The following ANKRD22 variants were observed in gnomAD, a reference collection of about 807,000 sequenced individuals.
ANKRD22 encodes ankyrin repeat domain 22.
Under a neutral mutation model 25.7 loss-of-function variants are expected in ANKRD22, and 24 were observed. That is an observed-to-expected ratio of 0.93 (90% CI 0.68 to 1.31). ANKRD22 has a LOEUF of 1.31. ANKRD22 is among the 50% of genes most tolerant of loss of function. The pLI is 0.00. For synonymous variants in ANKRD22, 84 were observed against 84.3 expected (o/e 1.00, Z 0.02); for missense variants, 214 against 227.1 (o/e 0.94, Z 0.37).
intron 2 of ANKRD22, among the ~76,000 whole-genome samples, 158 bp from the exon 3 acceptor site, chr10:88,828,824 A>G (rs1564603189): frequency 6.6e-6 from 1 of 152,150 alleles, no homozygotes; most frequent in Non-Finnish European, 1.5e-5. Flanking sequence ...GCGGCTTTCC[A>G]TGGAGCAGAA....
chr10:88,834,358 C>T (rs918179314), intron 1 of ANKRD22, among the ~76,000 whole-genome samples: 2 of 152,084 alleles, frequency 1.3e-5, no homozygotes, highest in Admixed American at 6.5e-5. Context: ...AGGGGGAAAG[C>T]AGTTCTTTAT....
intron 1 of ANKRD22, among the ~76,000 whole-genome samples, chr10:88,835,051 C>A (rs1165110155): frequency 6.6e-6 from 1 of 152,198 alleles, no homozygotes; most frequent in African/African-American, 2.4e-5. Context: ...ACAGTCCCCA[C>A]CACTCGCCAT....
At position 88,820,355 on chromosome 10, in the gene ANKRD22, A is replaced by G; in HGVS notation, c.*2586T>C. ...GCTGCTCTCTGAGGTGACCAACCTC[A>G]TCTACCATAAGAATATTCCTGAATG... On this transcript the variant is annotated 3_prime_UTR_variant, in exon 6 of 6. Transcript: ENST00000371930. 1.3e-6 allele frequency: 2 copies of G among 1,552,332 alleles called. No individual in the cohort carries two copies. Among genetic ancestry groups the G allele is most frequent in the Non-Finnish European group, 1.7e-6 (2 of 1,147,136 alleles).
intron 1 of ANKRD22, among the ~76,000 whole-genome samples, chr10:88,844,796 C>A (rs1329753494): frequency 6.6e-6 from 1 of 151,850 alleles, no homozygotes; most frequent in Non-Finnish European, 1.5e-5. Flanking sequence ...AATAGATATG[C>A]ACACATATAT....
chr10:88,820,094 AAC>A lies in ANKRD22; in HGVS notation c.*2845_*2846del. The A allele has an allele frequency of 4.6e-6, 3 of 658,788 alleles. No individual in the cohort carries two copies. Among genetic ancestry groups the A allele is most frequent in the East Asian group, 5.5e-5 (2 of 36,072 alleles). 40.8% of individuals were successfully genotyped at this position (658,788 alleles called of 1,614,324 possible). On this transcript the variant is annotated 3_prime_UTR_variant, in exon 6 of 6. Transcript: ENST00000371930. ...AGTAAGGGCGGGAACAGAAATTCTTAACAGAGTTGTGTGGCTCTAACACCCAT... is the reference window on the plus strand; with the variant it reads ...AGTAAGGGCGGGAACAGAAATTCTTAAGAGTTGTGTGGCTCTAACACCCAT...
chr10:88,820,370 A>G lies in ANKRD22; in HGVS notation c.*2571T>C, dbSNP rs1408588237. Reference sequence around the variant, plus strand: ...GACCAACCTCATCTACCATAAGAATATTCCTGAATGGGCTCACGTGGATTT... The same window carrying G: ...GACCAACCTCATCTACCATAAGAATGTTCCTGAATGGGCTCACGTGGATTT... On this transcript the variant is annotated 3_prime_UTR_variant, in exon 6 of 6. Transcript: ENST00000371930. 1.3e-6 allele frequency: 2 copies of G among 1,552,352 alleles called. No homozygotes were observed. The highest frequency in any genetic ancestry group is 2.4e-5 in the South Asian group (2 of 84,058).
At chr10:88,824,985 G>GCTCTCTCT (rs142353847) in intron 4 of ANKRD22, among the ~76,000 whole-genome samples, 20 of 141,276 alleles carry the variant, frequency 1.4e-4, no homozygotes, top group Admixed American at 3.6e-4. Flanking sequence ...ATTTTCTTTT[G>GCTCTCTCT]CTCTCTCTCT....
At chr10:88,823,760 G>A (rs1184949257) in intron 4 of ANKRD22, among the ~76,000 whole-genome samples, 1 of 146,680 alleles carries the variant, frequency 6.8e-6, no homozygotes, top group Non-Finnish European at 1.5e-5. Context: ...CCCGGGAGGC[G>A]GAGCTTGCAG....
At chr10:88,844,638 A>G (rs371784424) in intron 1 of ANKRD22, among the ~76,000 whole-genome samples, 4 of 152,178 alleles carry the variant, frequency 2.6e-5, no homozygotes, top group African/African-American at 9.6e-5. Flanking sequence ...AATCTAAGGA[A>G]TCTTTATGGT....
chr10:88,838,918 T>A, intron 1 of ANKRD22, among the ~76,000 whole-genome samples: 1 of 151,416 alleles, frequency 6.6e-6, no homozygotes, highest in African/African-American at 2.4e-5. Context: ...AGAGAAGGAG[T>A]ATTTACCAGC....
intron 1 of ANKRD22, among the ~76,000 whole-genome samples, chr10:88,833,475 T>A (rs906755173): frequency 6.6e-6 from 1 of 152,014 alleles, no homozygotes; most frequent in Non-Finnish European, 1.5e-5. Context: ...ACAGAGTAAA[T>A]GACAAGAAAA....
In ANKRD22 at chr10:88,822,203, T is replaced by C. The variant is rs1843803564; in HGVS notation, c.*738A>G. ...AAAAAACAAAAAAACAAAAACAAACTCTGATTTGTCAATTTGCCAATTTCT... is the reference window on the plus strand; with the variant it reads ...AAAAAACAAAAAAACAAAAACAAACCCTGATTTGTCAATTTGCCAATTTCT... On this transcript the variant is annotated 3_prime_UTR_variant, in exon 6 of 6. Coordinates refer to ENST00000371930, the MANE Select transcript of ANKRD22 (RefSeq NM_144590.3). 1 of 152,132 alleles carries C rather than the reference T, an allele frequency of 6.6e-6. No individual in the cohort carries two copies. Among genetic ancestry groups the C allele is most frequent in the African/African-American group, 2.4e-5 (1 of 41,424 alleles). 9.4% of individuals were successfully genotyped at this position (152,132 alleles called of 1,614,324 possible).
chr10:88,835,487 T>C (rs1843945529), intron 1 of ANKRD22, among the ~76,000 whole-genome samples: 1 of 152,214 alleles, frequency 6.6e-6, no homozygotes, highest in Non-Finnish European at 1.5e-5. Context: ...ATTACTAATA[T>C]GGTATAGCCT....
intron 1 of ANKRD22, among the ~76,000 whole-genome samples, chr10:88,839,493 T>G (rs1341957007): frequency 6.6e-6 from 1 of 152,142 alleles, no homozygotes; most frequent in Non-Finnish European, 1.5e-5. Flanking sequence ...ATCTTTTAAA[T>G]TGTGCTATCT....
chr10:88,827,167 G>T (rs1233286351), intron 3 of ANKRD22, among the ~76,000 whole-genome samples: 1 of 152,020 alleles, frequency 6.6e-6, no homozygotes, highest in African/African-American at 2.4e-5. Context: ...CTCTCCTTAG[G>T]CTTCCCTCTT....
chr10:88,845,000 C>T (rs1844035001), intron 1 of ANKRD22, among the ~76,000 whole-genome samples: 1 of 152,030 alleles, frequency 6.6e-6, no homozygotes, highest in Admixed American at 6.6e-5. Context: ...TACATTCCTG[C>T]TGTGGGCTCT....
Position 88,851,162 on chromosome 10 carries a change from A to G in ANKRD22, c.21+425T>C, listed in dbSNP as rs192334082. Among the ~76,000 whole-genome samples, 40 of 152,256 alleles carry G rather than the reference A, an allele frequency of 2.6e-4. 1 individual carries two copies. The highest frequency in any genetic ancestry group is 3.1e-4 in the Non-Finnish European group (21 of 68,012). Reference sequence around the variant, plus strand: ...AAAGGTGAATCTCCCTTCAAATACCAAGCTGAAAGGCATTACTCTGGTCAT... The same window carrying G: ...AAAGGTGAATCTCCCTTCAAATACCGAGCTGAAAGGCATTACTCTGGTCAT... On this transcript the variant is annotated intron_variant, in intron 1 of 5. Coordinates refer to ENST00000371930, the MANE Select transcript of ANKRD22 (RefSeq NM_144590.3).
Position 88,821,752 on chromosome 10 carries a change from C to T in ANKRD22, c.*1189G>A, listed in dbSNP as rs570616459. Among the ~76,000 whole-genome samples, 1 of 152,252 alleles carries T rather than the reference C, an allele frequency of 6.6e-6. No individual in the cohort carries two copies. The highest frequency in any genetic ancestry group is 2.4e-5 in the African/African-American group (1 of 41,554). ...TTTCATTCTTATACTGTACTTGTTA[C>T]CACATACAAAGAGGCTGGCTTAGTT... On this transcript the variant is annotated 3_prime_UTR_variant, in exon 6 of 6. Transcript: ENST00000371930.
intron 1 of ANKRD22, among the ~76,000 whole-genome samples, chr10:88,839,036 C>G (rs776003255): frequency 2.0e-5 from 3 of 152,196 alleles, no homozygotes; most frequent in Non-Finnish European, 4.4e-5. Context: ...CACTGACTAA[C>G]TTTTCTCTTC....
Sources: gnomAD v4.1 joint callset for allele counts (sites outside exome capture counted in the v4.1 genomes callset) on GRCh38, gnomAD v4.1.1 for gene constraint, MANE v1.5 for transcripts, NCBI Gene and HGNC (gene_info 2026-07-23, HGNC 2026-07-21) for gene names.